AGMO: variants seen among roughly 807,000 people sequenced by gnomAD.
AGMO encodes the protein alkylglycerol monooxygenase, also known as glyceryl-ether monooxygenase.
Under a neutral mutation model 60.2 loss-of-function variants are expected in AGMO, and 75 were observed. That is an observed-to-expected ratio of 1.25 (90% confidence interval 1.03 to 1.51). The LOEUF is 1.51. Ranked by LOEUF, AGMO falls within the 40% of genes most tolerant of loss-of-function variation. The pLI, the probability that AGMO is intolerant of heterozygous loss-of-function variation, is 0.00. For missense variants in AGMO, 763 were observed against 525.5 expected, an observed-to-expected ratio of 1.45 and a Z score of -4.42; for synonymous variants, 261 against 177.1, an observed-to-expected ratio of 1.47 and a Z score of -3.76.
At chr7:15,406,337 C>A (rs907005352) in intron 5 of AGMO, among the ~76,000 whole-genome samples, 1 of 139,938 alleles carries the variant, frequency 7.1e-6, no homozygotes, top group Non-Finnish European at 1.5e-5. Flanking sequence ...ATGGAATATA[C>A]ATATATATGT....
chr7:15,354,452 G>A (rs56726479), intron 12 of AGMO, among the ~76,000 whole-genome samples: 2,044 of 22,022 alleles, frequency 0.093, 339 homozygotes, highest in East Asian at 0.41. Flanking sequence ...ACACGTGTGT[G>A]TATACACACG....
intron 12 of AGMO, among the ~76,000 whole-genome samples, chr7:15,362,881 A>T (rs530227499): frequency 6.6e-6 from 1 of 152,354 alleles, no homozygotes; most frequent in Admixed American, 6.5e-5. Context: ...GAGTATTATC[A>T]TCATTACATG....
intron 5 of AGMO, chr7:15,396,587 G>T (rs893831553): frequency 2.0e-5 from 3 of 152,236 alleles, no homozygotes; most frequent in Admixed American, 6.6e-5. Flanking sequence ...CTCCTTGCTT[G>T]GATCGCCAGC....
chr7:15,386,551 G>A (rs936363477), intron 9 of AGMO, among the ~76,000 whole-genome samples: 2 of 152,202 alleles, frequency 1.3e-5, no homozygotes, highest in South Asian at 2.1e-4. Context: ...ATAAACGGAA[G>A]TGGGAAACTT....
intron 12 of AGMO, among the ~76,000 whole-genome samples, chr7:15,346,468 ATTAT>A (rs1782035145): frequency 6.6e-6 from 1 of 152,044 alleles, no homozygotes; most frequent in African/African-American, 2.4e-5. Flanking sequence ...AAAACAGGCC[ATTAT>A]TTAATCTTTT....
chr7:15,273,512 T>C (rs971471423), intron 12 of AGMO, among the ~76,000 whole-genome samples: 5 of 152,222 alleles, frequency 3.3e-5, no homozygotes, highest in African/African-American at 1.2e-4. Context: ...CCATGCTGTT[T>C]TGGTTACTGT....
intron 12 of AGMO, among the ~76,000 whole-genome samples, chr7:15,342,163 C>CCA (rs1229180473): frequency 2.6e-5 from 2 of 76,272 alleles, no homozygotes; most frequent in Non-Finnish European, 4.6e-5. Context: ...GAGTAGATAC[C>CCA]CACAGAGTTA....
chr7:15,526,534 T>A (rs565295319), intron 3 of AGMO, among the ~76,000 whole-genome samples: 67 of 152,272 alleles, frequency 4.4e-4, no homozygotes, highest in African/African-American at 1.5e-3. Context: ...AAGTCTTACC[T>A]CCCTAAAATT....
rs557383865 is a variant in AGMO at position 15,384,158 on chromosome 7, C to T, written c.1074+1288G>A. 1.2e-4 allele frequency among the ~76,000 whole-genome samples: 18 copies of T among 152,158 alleles called. No individual in the cohort carries two copies. The East Asian group carries it at 3.3e-3, about 28-fold the overall frequency. ...TTCACCGTATTAGCCAGGATGGTCT[C>T]GATCTCCTGACCTCGTGATCTGCCC... On this transcript the variant is annotated intron_variant, in intron 10 of 12. Transcript: ENST00000342526.
chr7:15,429,899 A>G (rs1030914055), intron 4 of AGMO, among the ~76,000 whole-genome samples: 2 of 152,058 alleles, frequency 1.3e-5, no homozygotes, highest in East Asian at 3.8e-4. Context: ...AGGCTTATTT[A>G]TGATGATCAG....
the AGMO span, among the ~76,000 whole-genome samples, chr7:15,178,133 G>A: frequency 6.6e-6 from 1 of 152,024 alleles, no homozygotes; most frequent in African/African-American, 2.4e-5. Flanking sequence ...CCCTTTTGGG[G>A]GAGTGGAATA....
At chr7:15,432,614 T>G (rs2128498916) in intron 3 of AGMO, among the ~76,000 whole-genome samples, 1 of 151,906 alleles carries the variant, frequency 6.6e-6, no homozygotes, top group South Asian at 2.1e-4. Context: ...CATATATTTT[T>G]CAATGGAACA....
intron 10 of AGMO, among the ~76,000 whole-genome samples, chr7:15,370,936 T>C (rs1783184768): frequency 6.6e-6 from 1 of 152,178 alleles, no homozygotes; most frequent in Non-Finnish European, 1.5e-5. Context: ...GTAGTTGCTT[T>C]TGAGGACTTA....
At chr7:15,345,106 A>G (rs1781985358) in intron 12 of AGMO, among the ~76,000 whole-genome samples, 1 of 152,176 alleles carries the variant, frequency 6.6e-6, no homozygotes, top group Non-Finnish European at 1.5e-5. Context: ...TTTACAAAAC[A>G]CAAAAATGCA....
intron 12 of AGMO, among the ~76,000 whole-genome samples, chr7:15,274,076 T>A (rs1469100402): frequency 7.9e-5 from 12 of 152,238 alleles, no homozygotes; most frequent in Middle Eastern, 3.4e-3. Context: ...AAACAGGGAC[T>A]ATTTGACTTC....
chr7:15,387,266 G>A, intron 9 of AGMO, 140 bp downstream of exon 9: 1 of 940,790 alleles, frequency 1.1e-6, no homozygotes, highest in Non-Finnish European at 1.6e-6. Context: ...CATTAAGTAA[G>A]TTATGCACCA....
At chr7:15,272,968 C>T (rs1783662683) in intron 12 of AGMO, among the ~76,000 whole-genome samples, 1 of 152,124 alleles carries the variant, frequency 6.6e-6, no homozygotes, top group Non-Finnish European at 1.5e-5. Flanking sequence ...CCTTTGCCCA[C>T]TTTTTGATGG....
At chr7:15,452,263 T>C (rs1015596334) in intron 3 of AGMO, among the ~76,000 whole-genome samples, 1 of 152,136 alleles carries the variant, frequency 6.6e-6, no homozygotes, top group Admixed American at 6.5e-5. Flanking sequence ...AAAATTTTTG[T>C]ATATTAAATA....
At chr7:15,245,538 G>A (rs1286336552) in intron 12 of AGMO, among the ~76,000 whole-genome samples, 3 of 152,058 alleles carry the variant, frequency 2.0e-5, no homozygotes, top group Non-Finnish European at 4.4e-5. Context: ...AACCCAAGAG[G>A]TTCAGTAAAA....
Sources: gnomAD v4.1 joint callset for allele counts (sites outside exome capture counted in the v4.1 genomes callset) on GRCh38, gnomAD v4.1.1 for gene constraint, MANE v1.5 for transcripts, NCBI Gene and HGNC (gene_info 2026-07-23, HGNC 2026-07-21) for gene names.